ABCB1: variants seen among roughly 807,000 people sequenced by gnomAD.
ABCB1 encodes ATP binding cassette subfamily B member 1.
ABCB1 carries 69 observed loss-of-function variants against 142.0 expected under a neutral mutation model. The ratio of observed to expected loss-of-function variants is 0.49; its 90% CI spans 0.40 to 0.59. The LOEUF (loss-of-function observed/expected upper bound fraction) is 0.59, where lower values mean the gene tolerates loss of function less well. Ranked by LOEUF, ABCB1 falls within the 20% of genes least tolerant of loss-of-function variation. The probability of loss-of-function intolerance (pLI) is 0.00; values close to 1 mark genes in which losing one functional copy is unlikely to be tolerated. For synonymous variants in ABCB1, 532 were observed against 539.2 expected, an observed-to-expected ratio of 0.99 and a Z score of 0.18; for missense variants, 1,326 against 1,554.7, an observed-to-expected ratio of 0.85 and a Z score of 2.47.
chr7:87,599,799 C>T (rs1819369972), intron 2 of ABCB1, among the ~76,000 whole-genome samples: 1 of 152,164 alleles, frequency 6.6e-6, no homozygotes, highest in Non-Finnish European at 1.5e-5. Context: ...GGTGATGTAT[C>T]CTTCAAATAC....
chr7:87,545,557 C>T (rs1816739661), intron 15 of ABCB1, among the ~76,000 whole-genome samples: 1 of 152,320 alleles, frequency 6.6e-6, no homozygotes, highest in Non-Finnish European at 1.5e-5. Flanking sequence ...TGTGCACACT[C>T]TACTTAAAAC....
At chr7:87,622,803 G>C (rs1820271775) in intron 1 of ABCB1, among the ~76,000 whole-genome samples, 1 of 152,036 alleles carries the variant, frequency 6.6e-6, no homozygotes, top group Non-Finnish European at 1.5e-5. Context: ...GGCCAAGAAG[G>C]GAGGATCGCA....
intron 1 of ABCB1, among the ~76,000 whole-genome samples, chr7:87,644,816 T>C (rs1467980720): frequency 6.6e-6 from 1 of 151,972 alleles, no homozygotes; most frequent in Non-Finnish European, 1.5e-5. Context: ...ATTTTCACTA[T>C]AAAAATAATT....
At chr7:87,568,267 A>AATAATAATAATAATAATAATAATAATAAT (rs775493469) in intron 5 of ABCB1, among the ~76,000 whole-genome samples, 1 of 100,404 alleles carries the variant, frequency 1.0e-5, no homozygotes, top group African/African-American at 5.5e-5. Context: ...TAATAATAAT[A>AATAATAATAATAATAATAATAATAATAAT]AAAATTAGCC....
chr7:87,561,637 A>G (rs28381866), intron 7 of ABCB1, among the ~76,000 whole-genome samples: 8,726 of 152,190 alleles, frequency 0.057, 517 homozygotes, highest in East Asian at 0.22. Flanking sequence ...CAATGGGAAA[A>G]GGGCTAACGT....
intron 1 of ABCB1, among the ~76,000 whole-genome samples, chr7:87,641,902 C>G (rs1482994086): frequency 6.6e-6 from 1 of 151,856 alleles, no homozygotes; most frequent in Non-Finnish European, 1.5e-5. Flanking sequence ...TTTACAGAAC[C>G]AAATCTTCTG....
rs1197640646 is a variant in ABCB1, at chr7:87,592,630, T to G, written c.117+3136A>C. ...CAACTGGGCATATCTGAGTCTACCC[T>G]GCTTAGTAGCTATGTGACCCTGTGA... On this transcript the variant is annotated intron_variant, in intron 3 of 27. Coordinates refer to ENST00000622132, the MANE Select transcript of ABCB1 (RefSeq NM_001348946.2). 3.9e-5 allele frequency among the ~76,000 whole-genome samples: 6 copies of G among 152,232 alleles called. No individual in the cohort carries two copies. In the East Asian group the frequency reaches 1.2e-3, roughly 29 times the overall value.
intron 18 of ABCB1, 24 bp downstream of exon 18, chr7:87,541,333 T>C (rs1816523917): frequency 7.2e-7 from 1 of 1,380,148 alleles, no homozygotes; most frequent in Non-Finnish European, 1.0e-6. Flanking sequence ...TCAAAATGAA[T>C]ATAGTGAAAA....
chr7:87,700,956 CA>C (rs1284276064), intron 1 of ABCB1, among the ~76,000 whole-genome samples: 1 of 152,220 alleles, frequency 6.6e-6, no homozygotes, highest in African/African-American at 2.4e-5. Flanking sequence ...CCCCACCATG[CA>C]CTCAGTATTT....
intron 1 of ABCB1, among the ~76,000 whole-genome samples, chr7:87,648,215 G>A (rs981979153): frequency 4.0e-5 from 6 of 151,006 alleles, no homozygotes; most frequent in African/African-American, 1.5e-4. Flanking sequence ...AGAAAGAAAT[G>A]GAAAATGATA....
chr7:87,695,149 C>A (rs1337229306), intron 1 of ABCB1, among the ~76,000 whole-genome samples: 2 of 152,008 alleles, frequency 1.3e-5, no homozygotes, highest in Non-Finnish European at 2.9e-5. Context: ...TAAAGTGTAA[C>A]TAATTATTTT....
intron 4 of ABCB1, among the ~76,000 whole-genome samples, chr7:87,581,103 T>G (rs896509502): frequency 6.6e-6 from 1 of 152,044 alleles, no homozygotes; most frequent in African/African-American, 2.4e-5. Context: ...CACCTCCTCC[T>G]TACATTTTAT....
In ABCB1 at chr7:87,531,498, C is replaced by A; in HGVS notation, c.2482-1G>T. On this transcript the variant is annotated splice_acceptor_variant, in intron 20 of 27. Coordinates refer to ENST00000622132, the MANE Select transcript of ABCB1 (RefSeq NM_001348946.2). LOFTEE classifies it high-confidence loss of function. ...TTACAGCAAGCCTGGAACCTATAGC[C>A]TGCAAAACAAAACAAATTAGAGAAA... The A allele has an allele frequency of 6.2e-7, 1 of 1,612,504 alleles. No homozygotes were observed. Among genetic ancestry groups the A allele is most frequent in the Non-Finnish European group, 8.5e-7 (1 of 1,179,448 alleles).
intron 4 of ABCB1, among the ~76,000 whole-genome samples, chr7:87,583,670 A>G (rs1584900737): frequency 6.6e-6 from 1 of 152,366 alleles, no homozygotes; most frequent in East Asian, 1.9e-4. Context: ...CAACTAGATC[A>G]TCATCTGTTT....
At chr7:87,591,570 A>G (rs3789243) in intron 3 of ABCB1, among the ~76,000 whole-genome samples, 76,409 of 151,786 alleles carry the variant, frequency 0.5, 19,361 homozygotes, top group South Asian at 0.68. Context: ...TAATTTATGG[A>G]GCGTCGTTGT....
At position 87,585,663 on chromosome 7, in the gene ABCB1, C is replaced by T; in HGVS notation, c.135G>A (p.Trp45Ter). The change falls in exon 4 of 28, where the codon TGG becomes TGA. Residue 45 changes from tryptophan (W) to a stop codon, truncating the protein, a stop_gained. Coordinates refer to ENST00000622132, the MANE Select transcript of ABCB1 (RefSeq NM_001348946.2). LOFTEE classifies it high-confidence loss of function. ...CCACCACCATATACAACTTGTCAAG[C>T]CAATTTGAATAGCGAAACTAAAAAG... Reference protein sequence around the residue: ...SVFSMFRYSNWLDKLYMVVGT... With the variant: ...SVFSMFRYSN The T allele has an allele frequency of 6.2e-7, 1 of 1,613,562 alleles. No homozygotes were observed. Among genetic ancestry groups the T allele is most frequent in the Non-Finnish European group, 8.5e-7 (1 of 1,179,798 alleles).
chr7:87,529,641 C>T (rs904211709), intron 21 of ABCB1, among the ~76,000 whole-genome samples: 11 of 152,316 alleles, frequency 7.2e-5, no homozygotes, highest in Middle Eastern at 3.4e-3. Context: ...CAGATTGTAT[C>T]ATCTTCTTCC....
intron 21 of ABCB1, among the ~76,000 whole-genome samples, chr7:87,530,838 C>CAAGAAAGAAAGAAAGAAAGAAAGA (rs1217650542): frequency 5.2e-4 from 37 of 71,268 alleles, no homozygotes; most frequent in East Asian, 1.5e-3. Flanking sequence ...AGCAAGAAAG[C>CAAGAAAGAAAGAAAGAAAGAAAGA]AAGAAAGAAA....
intron 25 of ABCB1, among the ~76,000 whole-genome samples, chr7:87,512,440 G>A (rs1049768385): frequency 2.0e-5 from 3 of 152,262 alleles, no homozygotes; most frequent in African/African-American, 7.2e-5. Flanking sequence ...CAGGCCGGCT[G>A]TGTTTTTTAC....
Sources: allele counts gnomAD v4.1 joint callset (sites outside exome capture counted in the v4.1 genomes callset), GRCh38; gene constraint gnomAD v4.1.1; transcripts MANE v1.5; gene names NCBI Gene and HGNC (gene_info 2026-07-23, HGNC 2026-07-21).